Variants in CMTM8 observed in about 807,000 individuals in gnomAD.
The protein encoded by CMTM8 is CKLF like MARVEL transmembrane domain containing 8.
A neutral mutation model predicts 18.6 loss-of-function variants in CMTM8; 12 were observed. The ratio of observed to expected loss-of-function variants is 0.65; its 90% CI spans 0.41 to 1.05. The LOEUF (loss-of-function observed/expected upper bound fraction) is 1.05. Among genes scored for constraint, CMTM8 ranks in the 50% least tolerant of loss-of-function variants. The pLI is 0.00. For synonymous variants in CMTM8, 87 were observed against 90.6 expected (o/e 0.96, Z 0.23); for missense variants, 217 against 227.2 (o/e 0.95, Z 0.29).
At chr3:32,303,132 TG>T (rs1695655094) in intron 1 of CMTM8, among the ~76,000 whole-genome samples, 1 of 152,170 alleles carries the variant, frequency 6.6e-6, no homozygotes, top group African/African-American at 2.4e-5. Context: ...CCAAAACAAA[TG>T]TAGGTTGCAA....
intron 1 of CMTM8, among the ~76,000 whole-genome samples, chr3:32,256,361 T>C (rs535690775): frequency 6.6e-6 from 1 of 152,160 alleles, no homozygotes; most frequent in African/African-American, 2.4e-5. Flanking sequence ...TGAGTCACTG[T>C]ACCTGGCTGC....
intron 1 of CMTM8, among the ~76,000 whole-genome samples, chr3:32,278,425 G>A (rs987592163): frequency 6.6e-6 from 1 of 152,174 alleles, no homozygotes; most frequent in Non-Finnish European, 1.5e-5. Context: ...CAGTCTTCCC[G>A]TAATTGAGGT....
At chr3:32,313,690 T>C (rs1272240215) in intron 1 of CMTM8, among the ~76,000 whole-genome samples, 1 of 151,950 alleles carries the variant, frequency 6.6e-6, no homozygotes, top group Non-Finnish European at 1.5e-5. Flanking sequence ...TCTCTGGGGG[T>C]TTAGTGCTCT....
chr3:32,303,757 C>T (rs993885241), intron 1 of CMTM8, among the ~76,000 whole-genome samples: 4 of 152,214 alleles, frequency 2.6e-5, no homozygotes, highest in African/African-American at 7.2e-5. Context: ...TGGTTTCTCT[C>T]GCTGTGTGAA....
At chr3:32,251,070 A>G (rs1702105121) in intron 1 of CMTM8, among the ~76,000 whole-genome samples, 1 of 152,230 alleles carries the variant, frequency 6.6e-6, no homozygotes, top group Admixed American at 6.5e-5. Context: ...GCATATAACA[A>G]GATTTGTTTC....
chr3:32,247,537 G>C (rs1224724104), intron 1 of CMTM8, among the ~76,000 whole-genome samples: 1 of 151,976 alleles, frequency 6.6e-6, no homozygotes, highest in African/African-American at 2.4e-5. Flanking sequence ...TGTTGGCTAG[G>C]CTGGTCTCAA....
chr3:32,357,262 A>AATAT, intron 1 of CMTM8, 111 bp from the exon 2 acceptor site: 1 of 880,866 alleles, frequency 1.1e-6, no homozygotes, highest in Non-Finnish European at 1.8e-6. Flanking sequence ...TAAATAAATA[A>AATAT]GTTGTAATTG....
At position 32,291,993 on chromosome 3, in the gene CMTM8, T is replaced by C. The variant is rs1217468983; in HGVS notation, c.147+52874T>C. 2.0e-5 allele frequency among the ~76,000 whole-genome samples: 3 copies of C among 152,212 alleles called. No individual in the cohort carries two copies. In the East Asian group the frequency reaches 5.8e-4, roughly 29 times the overall value. The stretch of plus-strand genomic sequence containing the variant: ...TTTCTTGGAAGTTGAAAAAATAAAT[T>C]AGGTGAGACTATATCTACTTGAACT... On this transcript the variant is annotated intron_variant, in intron 1 of 3. Coordinates refer to ENST00000307526, the MANE Select transcript of CMTM8 (RefSeq NM_178868.5).
At chr3:32,357,007 T>C (rs1478520518) in intron 1 of CMTM8, among the ~76,000 whole-genome samples, 1 of 152,186 alleles carries the variant, frequency 6.6e-6, no homozygotes, top group Non-Finnish European at 1.5e-5. Context: ...CTTCCTGGCA[T>C]TTGTAGGCAC....
At chr3:32,290,414 CTAAA>C (rs1702759707) in intron 1 of CMTM8, among the ~76,000 whole-genome samples, 1 of 152,164 alleles carries the variant, frequency 6.6e-6, no homozygotes, top group Admixed American at 6.5e-5. Flanking sequence ...ATGTCAGTTC[CTAAA>C]TAAACACATT....
At chr3:32,317,565 G>T (rs1247298858) in intron 1 of CMTM8, among the ~76,000 whole-genome samples, 1 of 152,172 alleles carries the variant, frequency 6.6e-6, no homozygotes, top group Non-Finnish European at 1.5e-5. Flanking sequence ...ATGAATGCAG[G>T]TACCCTTTGA....
intron 1 of CMTM8, among the ~76,000 whole-genome samples, chr3:32,251,907 T>G (rs1247997049): frequency 1.3e-5 from 2 of 151,662 alleles, no homozygotes; most frequent in Non-Finnish European, 2.9e-5. Context: ...CTGGGCAACA[T>G]GATGAAACCC....
intron 1 of CMTM8, among the ~76,000 whole-genome samples, chr3:32,270,409 A>G (rs187196133): frequency 6.6e-6 from 1 of 152,336 alleles, no homozygotes; most frequent in East Asian, 1.9e-4. Context: ...TACTATAAAG[A>G]CACATGCACA....
chr3:32,352,183 AC>A (rs60896032), intron 1 of CMTM8, among the ~76,000 whole-genome samples: 89,411 of 127,386 alleles, frequency 0.7, 29,523 homozygotes, highest in Non-Finnish European at 0.74. Context: ...CTGAAAAAAA[AC>A]ACACACACAC....
At chr3:32,322,560 G>A (rs1478619232) in intron 1 of CMTM8, among the ~76,000 whole-genome samples, 2 of 152,320 alleles carry the variant, frequency 1.3e-5, no homozygotes, top group East Asian at 3.9e-4. Context: ...TGTTCACAGT[G>A]TTTCTAGGAA....
At chr3:32,268,592 A>AT in intron 1 of CMTM8, among the ~76,000 whole-genome samples, 3 of 146,112 alleles carry the variant, frequency 2.1e-5, no homozygotes, top group African/African-American at 7.7e-5. Context: ...TTAAAGTATA[A>AT]AAAAAAAAAA....
chr3:32,361,289 T>TTTTTTTTGTTTTTTTTTTTTTG (rs200857947), intron 2 of CMTM8, among the ~76,000 whole-genome samples: 35 of 143,644 alleles, frequency 2.4e-4, no homozygotes, highest in Non-Finnish European at 4.4e-4. Context: ...CCTAAGAGTT[T>TTTTTTTTGTTTTTTTTTTTTTG]TTTTTTCTTT....
chr3:32,335,750 A>G (rs1033229324), intron 1 of CMTM8, among the ~76,000 whole-genome samples: 3 of 152,126 alleles, frequency 2.0e-5, no homozygotes, highest in Admixed American at 1.3e-4. Flanking sequence ...TAACCCGGGA[A>G]TTTCAGAATT....
In CMTM8 at chr3:32,239,004, C is replaced by T; in HGVS notation, c.32C>T (p.Thr11Ile). The change falls in exon 1 of 4, where the codon ACA becomes ATA. Residue 11 changes from threonine (T) to isoleucine (I), a missense_variant. Coordinates refer to ENST00000307526, the MANE Select transcript of CMTM8 (RefSeq NM_178868.5). MEEPQRARSH[T>I]VTTTASSFAE... ...GAGCCGCAGCGCGCCCGCTCGCACA[C>T]AGTCACCACCACCGCCAGCTCCTTC... The T allele has an allele frequency of 6.4e-7, 1 of 1,558,246 alleles. No individual in the cohort carries two copies. Among genetic ancestry groups the T allele is most frequent in the South Asian group, 1.2e-5 (1 of 84,412 alleles).
Sources: allele counts gnomAD v4.1 joint callset (sites outside exome capture counted in the v4.1 genomes callset), GRCh38; gene constraint gnomAD v4.1.1; transcripts MANE v1.5; gene names NCBI Gene and HGNC (gene_info 2026-07-23, HGNC 2026-07-21).